The following CCDC200 variants were observed in gnomAD, a reference collection of about 807,000 sequenced individuals.
The protein encoded by CCDC200 is coiled-coil domain containing 200.
At chr17:43,225,431 G>A (rs1014138065) in intron 1 of CCDC200, among the ~76,000 whole-genome samples, 14 of 150,876 alleles carry the variant, frequency 9.3e-5, no homozygotes, top group Non-Finnish European at 1.5e-4. Context: ...TTGGGAAGCC[G>A]AGGCGGGCGG....
At position 43,224,344 on chromosome 17, in the gene CCDC200, C is replaced by CCTGGCCACACCTGTGCCT. The variant is rs1414083829; in HGVS notation, c.293_310dup (p.Pro103_Gly104insGluAlaGlnValTrpPro). ...TGGCTGTGGTTGTGGTGGCTGTGGC[C>CCTGGCCACACCTGTGCCT]CTGGCCACACCTGTGCCTGTGGCAA... is the stretch of plus-strand genomic sequence containing the variant. On this transcript the variant is annotated inframe_insertion, in exon 2 of 4. Transcript: ENST00000636331. The CCTGGCCACACCTGTGCCT allele has an allele frequency of 6.4e-6, 1 of 155,800 alleles. No homozygotes were observed. The allele number at this position is 155,800 out of a possible 1,614,324, so 9.7% of individuals were successfully genotyped here.
intron 3 of CCDC200, among the ~76,000 whole-genome samples, chr17:43,223,073 C>A (rs1271563067): frequency 6.6e-6 from 1 of 151,518 alleles, no homozygotes; most frequent in Non-Finnish European, 1.5e-5. Flanking sequence ...GGCTACCCAG[C>A]TAGTTTTTAA....
Position 43,225,679 on chromosome 17 carries a change from A to AT in CCDC200, c.106-1131_106-1130insA, listed in dbSNP as rs1168399628. Among the ~76,000 whole-genome samples the AT allele has an allele frequency of 1.9e-4, 3 of 15,938 alleles. 1 individual carries two copies. In the Non-Finnish European group the frequency reaches 6.7e-3, roughly 35 times the overall value. The allele number at this position is 15,938 out of a possible 152,430, so 10.5% of individuals were successfully genotyped here. On this transcript the variant is annotated intron_variant, in intron 1 of 3. Coordinates refer to ENST00000636331, the MANE Select transcript of CCDC200 (RefSeq NM_001363254.2). ...CTCCGTCTAAAAAAAAAAAAAAAAA[A>AT]GTATATATATATATTGCATGCTACA...
chr17:43,225,004 A>G (rs2057557268), intron 1 of CCDC200: 2 of 151,742 alleles, frequency 1.3e-5, no homozygotes, highest in African/African-American at 4.8e-5. Context: ...AGCTAGGACT[A>G]CAGGTGCACA....
At chr17:43,227,244 G>T (rs2057575714) in intron 1 of CCDC200, among the ~76,000 whole-genome samples, 1 of 152,042 alleles carries the variant, frequency 6.6e-6, no homozygotes, top group Non-Finnish European at 1.5e-5. Context: ...CTCCCAAAGT[G>T]CTGGGATTAC....
chr17:43,224,063 G>C (rs1816985663), intron 2 of CCDC200, 171 bp downstream of exon 2: 3 of 152,402 alleles, frequency 2.0e-5, no homozygotes, highest in Non-Finnish European at 4.4e-5. Context: ...GGTAGATATG[G>C]ATTCTACACT....
At chr17:43,223,244 C>T (rs202026936) in intron 3 of CCDC200, among the ~76,000 whole-genome samples, 27,062 of 69,064 alleles carry the variant, frequency 0.39, 6,504 homozygotes, top group East Asian at 0.59. Context: ...CAATTTTTTT[C>T]AATTTTTTTT....
chr17:43,226,345 AAAGAAG>A (rs3051098), intron 1 of CCDC200: 4 of 151,790 alleles, frequency 2.6e-5, no homozygotes, highest in African/African-American at 7.3e-5. Flanking sequence ...TGTCTCAAAA[AAAGAAG>A]AAGAAGAAAA....
At chr17:43,223,773 AG>A (rs1054651136) in intron 2 of CCDC200, 159 bp from the exon 3 acceptor site, 5 of 152,092 alleles carry the variant, frequency 3.3e-5, no homozygotes, top group African/African-American at 1.2e-4. Context: ...CCCTTCCTGA[AG>A]ATTCTCAACT....
chr17:43,227,128 G>A lies in CCDC200; in HGVS notation c.105+1322C>T, dbSNP rs776662445. 2.1e-4 allele frequency among the ~76,000 whole-genome samples: 32 copies of A among 151,946 alleles called. No individual in the cohort carries two copies. The Middle Eastern group carries it at 0.014, about 65-fold the overall frequency. Reference sequence around the variant, plus strand: ...CGAGTAGCTGGGATTACAGGTGCGCGCCACCACGCCCGGCTGATTTTTGTA... The same window carrying A: ...CGAGTAGCTGGGATTACAGGTGCGCACCACCACGCCCGGCTGATTTTTGTA... On this transcript the variant is annotated intron_variant, in intron 1 of 3. Coordinates refer to ENST00000636331, the MANE Select transcript of CCDC200 (RefSeq NM_001363254.2).
chr17:43,227,041 C>T (rs186779940), intron 1 of CCDC200, among the ~76,000 whole-genome samples: 146 of 152,056 alleles, frequency 9.6e-4, no homozygotes, highest in African/African-American at 3.1e-3. Context: ...TGCAACGGCG[C>T]GATCTTGGCT....
chr17:43,227,140 G>A (rs759579202), intron 1 of CCDC200, among the ~76,000 whole-genome samples: 3 of 151,670 alleles, frequency 2.0e-5, no homozygotes, highest in East Asian at 1.9e-4. Context: ...CACCACGCCC[G>A]GCTGATTTTT....
chr17:43,224,142 T>A (rs1207608550), intron 2 of CCDC200, 92 bp downstream of exon 2: 1 of 152,694 alleles, frequency 6.5e-6, no homozygotes, highest in East Asian at 1.9e-4. Context: ...CAGTCCAGAG[T>A]CTGTAAGGAT....
intron 1 of CCDC200, among the ~76,000 whole-genome samples, chr17:43,225,233 T>TAAA (rs1370113038): frequency 7.2e-5 from 11 of 151,948 alleles, no homozygotes; most frequent in African/African-American, 2.4e-4. Context: ...AGGGTCCCCC[T>TAAA]ATGTTGCCTA....
chr17:43,223,480 T>TCACACACACACACACACACACA (rs2057547697), intron 3 of CCDC200, 76 bp downstream of exon 3: 1 of 134,962 alleles, frequency 7.4e-6, no homozygotes. Flanking sequence ...ACACACACAC[T>TCACACACACACACACACACACA]CACACTCTCT....
chr17:43,223,985 C>T (rs1054175889), intron 2 of CCDC200: 37 of 152,276 alleles, frequency 2.4e-4, no homozygotes, highest in African/African-American at 8.4e-4. Context: ...CATTAACCCA[C>T]CCAGGGGGAG....
chr17:43,224,197 C>G (rs980281490), intron 2 of CCDC200, 37 bp downstream of exon 2: 2 of 152,916 alleles, frequency 1.3e-5, no homozygotes, highest in African/African-American at 4.8e-5. Context: ...AGATTGCCCT[C>G]CAGCTTAGTA....
At chr17:43,225,235 TG>T (rs1241021866) in intron 1 of CCDC200, among the ~76,000 whole-genome samples, 11 of 152,114 alleles carry the variant, frequency 7.2e-5, no homozygotes, top group African/African-American at 2.4e-4. Flanking sequence ...GGTCCCCCTA[TG>T]TTGCCTAGGT....
chr17:43,225,641 C>A (rs1394542504), intron 1 of CCDC200, among the ~76,000 whole-genome samples: 1 of 62,010 alleles, frequency 1.6e-5, no homozygotes, highest in African/African-American at 4.3e-5. Context: ...CCAGCCTGGG[C>A]GACAGAATGA....
Sources: allele counts gnomAD v4.1 joint callset (sites outside exome capture counted in the v4.1 genomes callset), GRCh38; gene constraint gnomAD v4.1.1; transcripts MANE v1.5; gene names NCBI Gene and HGNC (gene_info 2026-07-23, HGNC 2026-07-21).